MED27: variants seen among roughly 807,000 people sequenced by gnomAD.
The protein encoded by MED27 is mediator of RNA polymerase II transcription subunit 27.
A neutral mutation model predicts 38.2 loss-of-function variants in MED27; 30 were observed. The ratio of observed to expected loss-of-function variants is 0.79; its 90% CI spans 0.59 to 1.07. The LOEUF (loss-of-function observed/expected upper bound fraction) is 1.07, where lower values mean the gene tolerates loss of function less well. MED27 is among the 50% of genes least tolerant of loss of function. The pLI is 0.00. For synonymous variants in MED27, 122 were observed against 153.5 expected, an observed-to-expected ratio of 0.79 and a Z score of 1.52; for missense variants, 289 against 397.5, an observed-to-expected ratio of 0.73 and a Z score of 2.32.
intron 2 of MED27, among the ~76,000 whole-genome samples, chr9:132,041,515 G>A (rs1310606593): frequency 1.3e-5 from 2 of 152,238 alleles, no homozygotes; most frequent in African/African-American, 4.8e-5. Context: ...GCTACCGACT[G>A]CAGCGTCCAC....
intron 3 of MED27, among the ~76,000 whole-genome samples, chr9:131,990,488 A>T (rs1344916548): frequency 6.6e-6 from 1 of 152,248 alleles, no homozygotes; most frequent in Non-Finnish European, 1.5e-5. Context: ...GCAGGCCCAG[A>T]TCCCTAGTGC....
chr9:131,968,266 AG>A (rs1416382427), intron 3 of MED27, among the ~76,000 whole-genome samples: 1 of 152,062 alleles, frequency 6.6e-6, no homozygotes, highest in African/African-American at 2.4e-5. Flanking sequence ...TTGAACCCCG[AG>A]GTTCGAGACC....
In MED27 at chr9:131,889,185, T is replaced by C. The variant is rs989033204; in HGVS notation, c.681+4700A>G. 6.6e-6 allele frequency among the ~76,000 whole-genome samples: 1 copy of C among 152,144 alleles called. No homozygotes were observed. The highest frequency in any genetic ancestry group is 6.5e-5 in the Admixed American group (1 of 15,272). On this transcript the variant is annotated intron_variant, in intron 5 of 7. Transcript: ENST00000292035. This position sits in a 1 kb window ranked among gnomAD's most constrained non-coding sequence, Gnocchi z 4.2. ...CCCACATGCACACACACAGCCAACTTTGAAGTGGGAAGAATGCAGGGATCA... is the reference window on the plus strand; with the variant it reads ...CCCACATGCACACACACAGCCAACTCTGAAGTGGGAAGAATGCAGGGATCA...
chr9:131,893,689 A>C (rs117880845), intron 5 of MED27, among the ~76,000 whole-genome samples, 196 bp downstream of exon 5: 6,195 of 152,330 alleles, frequency 0.041, 195 homozygotes, highest in Non-Finnish European at 0.063. Flanking sequence ...AGGAAAAAGC[A>C]GAAGCTTGAT....
chr9:132,079,821 A>C lies in MED27; in HGVS notation c.24T>G (p.Ser8Arg). ...CCTGGGAAAAGGCCTCCAGGTTCAC[A>C]CTGACATTTATCACGTCCGCCATGT... Reference protein sequence around the residue: MADVINVSVNLEAFSQAI... With the variant: MADVINVRVNLEAFSQAI... The change falls in exon 1 of 8, where the codon AGT becomes AGG. Residue 8 changes from serine (S) to arginine (R), a missense_variant. Transcript: ENST00000292035. 2 of 1,605,430 alleles carry C rather than the reference A, an allele frequency of 1.2e-6. No individual in the cohort carries two copies. Among genetic ancestry groups the C allele is most frequent in the South Asian group, 2.2e-5 (2 of 90,220 alleles).
intron 2 of MED27, among the ~76,000 whole-genome samples, chr9:132,074,308 A>C (rs1352604075): frequency 6.6e-6 from 1 of 152,244 alleles, no homozygotes; most frequent in African/African-American, 2.4e-5. Context: ...TAATATTCCA[A>C]CTGACTTTAC....
At chr9:132,064,278 G>C (rs574876423) in intron 2 of MED27, among the ~76,000 whole-genome samples, 18 of 152,318 alleles carry the variant, frequency 1.2e-4, no homozygotes, top group African/African-American at 4.3e-4. Flanking sequence ...AGGAGGTGCT[G>C]AAGTCAGGGA....
chr9:132,065,693 TC>T (rs1416480334), intron 2 of MED27, among the ~76,000 whole-genome samples: 1 of 152,260 alleles, frequency 6.6e-6, no homozygotes, highest in African/African-American at 2.4e-5. Context: ...CTAAGCTATG[TC>T]CATGCCCGGG....
intron 6 of MED27, chr9:131,868,555 C>G (rs1047846553): frequency 1.0e-6 from 1 of 980,146 alleles, no homozygotes; most frequent in Non-Finnish European, 1.2e-6. Flanking sequence ...GGATTACAGG[C>G]GTGCGCCACT....
chr9:131,919,816 T>TC (rs1243077142), intron 4 of MED27, among the ~76,000 whole-genome samples: 5 of 151,334 alleles, frequency 3.3e-5, no homozygotes, highest in Non-Finnish European at 7.4e-5. Flanking sequence ...TCTTCCTTTT[T>TC]TTTTTTTTTT....
At chr9:131,980,358 G>A (rs921564571) in intron 3 of MED27, among the ~76,000 whole-genome samples, 10 of 152,066 alleles carry the variant, frequency 6.6e-5, no homozygotes, top group Middle Eastern at 3.2e-3. Context: ...AGAACACACC[G>A]GATTCTGATG....
intron 4 of MED27, among the ~76,000 whole-genome samples, chr9:131,908,619 G>A (rs922591144): frequency 6.6e-6 from 1 of 152,164 alleles, no homozygotes; most frequent in African/African-American, 2.4e-5. Context: ...TGTCCACTCA[G>A]GGTTAAATGG....
Position 131,920,440 on chromosome 9 carries a change from C to A in MED27, c.573+18941G>T, listed in dbSNP as rs1032847393. Among the ~76,000 whole-genome samples, 9 of 152,164 alleles carry A rather than the reference C, an allele frequency of 5.9e-5. No individual in the cohort carries two copies. In the East Asian group the frequency reaches 1.5e-3, roughly 26 times the overall value. ...TGAATCTGAATCAACACTTACTCAACCAATAATTACTCAACACCTACTATG... is the reference window on the plus strand; with the variant it reads ...TGAATCTGAATCAACACTTACTCAAACAATAATTACTCAACACCTACTATG... On this transcript the variant is annotated intron_variant, in intron 4 of 7. Transcript: ENST00000292035.
chr9:132,054,283 C>T (rs1386436189), intron 2 of MED27, among the ~76,000 whole-genome samples: 2 of 152,190 alleles, frequency 1.3e-5, no homozygotes. Flanking sequence ...AGTGCTCCTG[C>T]TCTGACCATG....
At chr9:131,968,471 CAAAA>C (rs10556528) in intron 3 of MED27, among the ~76,000 whole-genome samples, 3,043 of 98,428 alleles carry the variant, frequency 0.031, 115 homozygotes, top group African/African-American at 0.11. Flanking sequence ...GACCCTGTCT[CAAAA>C]AAAAAAAAAA....
intron 6 of MED27, among the ~76,000 whole-genome samples, chr9:131,873,106 T>G (rs1838864986): frequency 6.6e-6 from 1 of 152,206 alleles, no homozygotes; most frequent in Admixed American, 6.5e-5. Flanking sequence ...GGGTCTCTAC[T>G]AAGAGTTTTG....
chr9:131,882,184 C>A (rs1839059609), intron 6 of MED27, among the ~76,000 whole-genome samples: 1 of 152,134 alleles, frequency 6.6e-6, no homozygotes, highest in African/African-American at 2.4e-5. Flanking sequence ...CAGACTACTC[C>A]CCTAATCCTA....
chr9:131,949,142 C>G (rs1424072547), intron 3 of MED27, among the ~76,000 whole-genome samples: 1 of 152,200 alleles, frequency 6.6e-6, no homozygotes, highest in Admixed American at 6.5e-5. Flanking sequence ...GAATTGTTTA[C>G]TATTCCTACA....
intron 4 of MED27, among the ~76,000 whole-genome samples, chr9:131,911,714 T>C (rs1830192112): frequency 6.6e-6 from 1 of 152,220 alleles, no homozygotes; most frequent in Admixed American, 6.5e-5. Flanking sequence ...TTAGATATAG[T>C]CTTTTAGCAA....
Sources: gnomAD v4.1 joint callset for allele counts (sites outside exome capture counted in the v4.1 genomes callset) on GRCh38, gnomAD v4.1.1 for gene constraint, Gnocchi (gnomAD v3.1) non-coding constraint, MANE v1.5 for transcripts, NCBI Gene and HGNC (gene_info 2026-07-23, HGNC 2026-07-21) for gene names.